Variants in MARK2 observed in about 807,000 individuals in gnomAD.
The protein encoded by MARK2 is serine/threonine-protein kinase MARK2.
In MARK2, 16 loss-of-function variants were observed where a neutral mutation model predicts 89.8. The ratio of observed to expected loss-of-function variants is 0.18; its 90% CI spans 0.12 to 0.27. MARK2 has a LOEUF of 0.27. MARK2 is among the 10% of genes least tolerant of loss of function. The probability of loss-of-function intolerance (pLI) is 1.00; values close to 1 mark genes in which losing one functional copy is unlikely to be tolerated. For synonymous variants in MARK2, 382 were observed against 399.5 expected, an observed-to-expected ratio of 0.96 and a Z score of 0.52; for missense variants, 621 against 1,049.9, an observed-to-expected ratio of 0.59 and a Z score of 5.65.
Position 63,889,027 on chromosome 11 carries a change from C to T in MARK2, c.55-6132C>T, listed in dbSNP as rs1311457859. 6 of 1,256,330 alleles carry T rather than the reference C, an allele frequency of 4.8e-6. No individual in the cohort carries two copies. The Admixed American group carries it at 5.9e-5, about 12-fold the overall frequency. 77.8% of individuals were successfully genotyped at this position (1,256,330 alleles called of 1,614,324 possible). ...CCTCTTTCTTTCCTCTCATCTCAAA[C>T]ATAGGATCTTTAGAGAGTTGCTAAG... On this transcript the variant is annotated intron_variant, in intron 1 of 18. Coordinates refer to ENST00000402010, the MANE Select transcript of MARK2 (RefSeq NM_001039469.3).
chr11:63,848,436 A>C (rs1590963685), intron 1 of MARK2, among the ~76,000 whole-genome samples: 1 of 152,074 alleles, frequency 6.6e-6, no homozygotes, highest in Middle Eastern at 3.4e-3. Context: ...CCCAGGCTGG[A>C]GTACAGTGGC....
At chr11:63,852,687 A>AG (rs1482205107) in intron 1 of MARK2, among the ~76,000 whole-genome samples, 2 of 151,686 alleles carry the variant, frequency 1.3e-5, no homozygotes, top group Non-Finnish European at 2.9e-5. Flanking sequence ...AAAAAAAAAA[A>AG]AGAAAAGAAA....
At chr11:63,849,474 C>T (rs1047193496) in intron 1 of MARK2, among the ~76,000 whole-genome samples, 4 of 152,112 alleles carry the variant, frequency 2.6e-5, no homozygotes, top group Non-Finnish European at 4.4e-5. Context: ...TTTGGTGGGC[C>T]GGGCGCGGTG....
At chr11:63,854,380 T>G (rs1306152700) in intron 1 of MARK2, among the ~76,000 whole-genome samples, 4 of 137,418 alleles carry the variant, frequency 2.9e-5, no homozygotes, top group African/African-American at 5.1e-5. Context: ...TTCTATTTGT[T>G]TTTTTTTTTT....
At chr11:63,875,411 C>T (rs978601826) in intron 1 of MARK2, among the ~76,000 whole-genome samples, 2 of 151,786 alleles carry the variant, frequency 1.3e-5, no homozygotes, top group South Asian at 2.1e-4. Context: ...TGAGCCACCA[C>T]GCCCAGCTAA....
intron 1 of MARK2, among the ~76,000 whole-genome samples, chr11:63,843,558 C>T (rs1017444868): frequency 1.3e-5 from 2 of 152,078 alleles, no homozygotes; most frequent in Admixed American, 1.3e-4. Context: ...TAAGGAACAG[C>T]TGAACTACTC....
chr11:63,854,149 A>G (rs2016716125), intron 1 of MARK2, among the ~76,000 whole-genome samples: 1 of 151,540 alleles, frequency 6.6e-6, no homozygotes, highest in South Asian at 2.1e-4. Context: ...CTGGGATTAC[A>G]GGCATGAGCC....
chr11:63,860,735 A>G (rs1396495932), intron 1 of MARK2, among the ~76,000 whole-genome samples: 1 of 151,452 alleles, frequency 6.6e-6, no homozygotes, highest in Admixed American at 6.6e-5. Context: ...GCGCGTGCCT[A>G]TAGTTCCAGC....
At position 63,840,240 on chromosome 11, in the gene MARK2, TG is replaced by T. The variant is rs1446411427; in HGVS notation, c.54+682del. 3.3e-5 allele frequency among the ~76,000 whole-genome samples: 5 copies of T among 152,332 alleles called. No homozygotes were observed. In the East Asian group the frequency reaches 9.6e-4, roughly 29 times the overall value. On this transcript the variant is annotated intron_variant, in intron 1 of 18. Coordinates refer to ENST00000402010, the MANE Select transcript of MARK2 (RefSeq NM_001039469.3). ...CCAGGAGCTCCCTGGATCCTGGCGCTGGCATTTGTCGCTTCCGTGTTTCCCC... is the reference window on the plus strand; with the variant it reads ...CCAGGAGCTCCCTGGATCCTGGCGCTGCATTTGTCGCTTCCGTGTTTCCCC...
At position 63,903,318 on chromosome 11, in the gene MARK2, C is replaced by T. The variant is rs1941055582; in HGVS notation, c.1514+160C>T. On this transcript the variant is annotated intron_variant, in intron 14 of 18. Coordinates refer to ENST00000402010, the MANE Select transcript of MARK2 (RefSeq NM_001039469.3). The surrounding 1 kb of genome is among the most constrained non-coding windows in gnomAD (Gnocchi z 5.1). ...CAGTCCAGCTTTCCCCTCCCCTATTCCACGCCATTGCCTCCTCCCCATCTT... is the reference window on the plus strand; with the variant it reads ...CAGTCCAGCTTTCCCCTCCCCTATTTCACGCCATTGCCTCCTCCCCATCTT... The T allele has an allele frequency of 1.1e-5, 7 of 629,566 alleles. No homozygotes were observed. The highest frequency in any genetic ancestry group is 1.1e-5 in the Non-Finnish European group (4 of 351,984). 39.0% of individuals were successfully genotyped at this position (629,566 alleles called of 1,614,324 possible).
At chr11:63,858,789 T>G (rs1937601097) in intron 1 of MARK2, among the ~76,000 whole-genome samples, 1 of 152,238 alleles carries the variant, frequency 6.6e-6, no homozygotes, top group East Asian at 1.9e-4. Context: ...TGATAATCCC[T>G]GTCCTCGATT....
chr11:63,856,156 C>T (rs2016825110), intron 1 of MARK2, among the ~76,000 whole-genome samples: 1 of 152,020 alleles, frequency 6.6e-6, no homozygotes, highest in Non-Finnish European at 1.5e-5. Context: ...GTTCCCAGCC[C>T]CAGTATAATC....
chr11:63,849,096 C>G (rs1423374133), intron 1 of MARK2, among the ~76,000 whole-genome samples: 1 of 152,118 alleles, frequency 6.6e-6, no homozygotes, highest in East Asian at 1.9e-4. Context: ...CCTCAAATAG[C>G]TCCTAGGCTC....
chr11:63,861,478 G>T (rs1937777398), intron 1 of MARK2, among the ~76,000 whole-genome samples: 1 of 152,116 alleles, frequency 6.6e-6, no homozygotes, highest in African/African-American at 2.4e-5. Context: ...TTTGTTTACT[G>T]TATTAGTTAA....
rs181815007 is a variant in MARK2, at chr11:63,859,036, A to G, written c.54+19476A>G. ...AGATCATTTGGCTTACTTGGATTTT[A>G]TTATGAGGTTTGTGTTTTATTATGA... On this transcript the variant is annotated intron_variant, in intron 1 of 18. Transcript: ENST00000402010. Among the ~76,000 whole-genome samples, 20 of 151,456 alleles carry G rather than the reference A, an allele frequency of 1.3e-4. No individual in the cohort carries two copies. The East Asian group carries it at 3.3e-3, about 25-fold the overall frequency.
Position 63,910,595 on chromosome 11 carries a change from C to A in MARK2, c.*1358C>A, listed in dbSNP as rs1433884907. On this transcript the variant is annotated 3_prime_UTR_variant, in exon 19 of 19. Transcript: ENST00000402010. ...AGTCCTACACAGAGGCTGCCCCTAC[C>A]CTCACCTGAGTTGTACATTTTTTTG... is the stretch of plus-strand genomic sequence containing the variant. The A allele has an allele frequency of 6.6e-6, 1 of 152,024 alleles. No individual in the cohort carries two copies. Among genetic ancestry groups the A allele is most frequent in the East Asian group, 1.9e-4 (1 of 5,200 alleles). The allele number at this position is 152,024 out of a possible 1,614,324, so 9.4% of individuals were successfully genotyped here.
chr11:63,865,729 GA>G (rs1300533193), intron 1 of MARK2, among the ~76,000 whole-genome samples: 2 of 152,222 alleles, frequency 1.3e-5, no homozygotes, highest in African/African-American at 2.4e-5. Context: ...TAATTGATTA[GA>G]TGACAGTCCT....
intron 7 of MARK2, 43 bp downstream of exon 7, chr11:63,899,151 G>A (rs975609183): frequency 3.0e-6 from 4 of 1,318,356 alleles, no homozygotes; most frequent in Non-Finnish European, 4.4e-6. Flanking sequence ...TGGGAGCCAG[G>A]TTGTTGCCTC....
rs2134224735 is a variant in MARK2 at position 63,903,891 on chromosome 11, C to G, written c.1515-95C>G. On this transcript the variant is annotated intron_variant, in intron 14 of 18. Coordinates refer to ENST00000402010, the MANE Select transcript of MARK2 (RefSeq NM_001039469.3). This position sits in a 1 kb window ranked among gnomAD's most constrained non-coding sequence, Gnocchi z 5.1. Reference sequence around the variant, plus strand: ...TGACTTCTACCCTGCCAGAGCTCCCCAGCTCTGGCCCTTCCCCTGCCCTTG... The same window carrying G: ...TGACTTCTACCCTGCCAGAGCTCCCGAGCTCTGGCCCTTCCCCTGCCCTTG... 1 of 1,057,386 alleles carries G rather than the reference C, an allele frequency of 9.5e-7. No homozygotes were observed. The highest frequency in any genetic ancestry group is 1.4e-6 in the Non-Finnish European group (1 of 734,826). 65.5% of individuals were successfully genotyped at this position (1,057,386 alleles called of 1,614,324 possible).
Sources: allele counts gnomAD v4.1 joint callset (sites outside exome capture counted in the v4.1 genomes callset), GRCh38; gene constraint gnomAD v4.1.1; non-coding constraint Gnocchi (gnomAD v3.1); transcripts MANE v1.5; gene names NCBI Gene and HGNC (gene_info 2026-07-23, HGNC 2026-07-21).